TPO: variants seen among roughly 807,000 people sequenced by gnomAD.
The protein encoded by TPO is thyroid peroxidase, also known as thyroid microsomal antigen.
A neutral mutation model predicts 96.9 loss-of-function variants in TPO; 78 were observed. The observed-to-expected ratio is 0.81, with a 90% CI of 0.67 to 0.97. TPO has a LOEUF of 0.97. Among genes scored for constraint, TPO ranks in the 50% least tolerant of loss-of-function variants. The probability of loss-of-function intolerance (pLI) is 0.00; values close to 1 mark genes in which losing one functional copy is unlikely to be tolerated. For synonymous variants in TPO, 547 were observed against 538.0 expected (o/e 1.02, Z -0.23); for missense variants, 1,252 against 1,274.8 (o/e 0.98, Z 0.27).
At chr2:1,530,079 C>A (rs1396874520) in intron 15 of TPO, among the ~76,000 whole-genome samples, 1 of 146,838 alleles carries the variant, frequency 6.8e-6, no homozygotes, top group African/African-American at 2.6e-5. Context: ...TCTGTGCAAC[C>A]TCCTCAAATC....
chr2:1,440,086 ATGTGCTGCGTTTCCAC>A (rs1373590888), intron 5 of TPO, among the ~76,000 whole-genome samples: 3 of 151,422 alleles, frequency 2.0e-5, no homozygotes, highest in African/African-American at 4.9e-5. Context: ...TGCATTTCCA[ATGTGCTGCGTTTCCAC>A]TGTGCTGCGT....
chr2:1,445,681 G>A (rs10180652), intron 5 of TPO, among the ~76,000 whole-genome samples: 118,457 of 126,862 alleles, frequency 0.93, 55,412 homozygotes, highest in South Asian at 0.98. Flanking sequence ...AGGAGGTACC[G>A]TGTTGGAAGG....
At chr2:1,452,919 TCAACA>T (rs1667437568) in intron 5 of TPO, among the ~76,000 whole-genome samples, 2 of 152,180 alleles carry the variant, frequency 1.3e-5, no homozygotes, top group Admixed American at 1.3e-4. Context: ...ATCAAAATAT[TCAACA>T]CACCTTTACC....
intron 15 of TPO, among the ~76,000 whole-genome samples, chr2:1,525,336 A>G (rs1573549733): frequency 1.8e-5 from 1 of 56,914 alleles, no homozygotes; most frequent in Non-Finnish European, 3.4e-5. Flanking sequence ...AAATCCCCTC[A>G]CTATGTGCAA....
rs74412499 is a variant in TPO at position 1,402,013 on chromosome 2, G to A, written n.180+27611G>A. ...CAGGCTGTGTGAGTGGGCAGGTGGA[G>A]GGCACCCAAATGCTGCTTCCTGGCT... On this transcript the variant is annotated intron_variant and non_coding_transcript_variant, in intron 1 of 5. Coordinates refer to the TPO transcript ENST00000497517. Among the ~76,000 whole-genome samples, 1,186 of 152,298 alleles carry A rather than the reference G, an allele frequency of 7.8e-3. 34 individuals are homozygous for A. Among genetic ancestry groups the A allele is most frequent in the East Asian group, 0.073 (378 of 5,174 alleles).
chr2:1,533,204 TATCCCCC>T (rs1678747636), intron 15 of TPO, among the ~76,000 whole-genome samples: 2 of 1,894 alleles, frequency 1.1e-3, no homozygotes, highest in African/African-American at 3.7e-3. Flanking sequence ...AATCTCCCCA[TATCCCCC>T]CATATCCCCC....
chr2:1,478,219 TATTA>T (rs1670171291), intron 8 of TPO: 1 of 985,320 alleles, frequency 1.0e-6, no homozygotes, highest in African/African-American at 1.7e-5. Flanking sequence ...GTTGGCCTTT[TATTA>T]ATTGTGTGAT....
intron 5 of TPO, among the ~76,000 whole-genome samples, chr2:1,448,253 G>A (rs1277666193): frequency 6.6e-6 from 1 of 152,158 alleles, no homozygotes; most frequent in Non-Finnish European, 1.5e-5. Flanking sequence ...CGTGGGAGCC[G>A]AGCCTGTGGT....
At chr2:1,524,061 A>C (rs1222837260) in intron 15 of TPO, among the ~76,000 whole-genome samples, 1 of 68,124 alleles carries the variant, frequency 1.5e-5, no homozygotes, top group East Asian at 4.6e-4. Flanking sequence ...GTGGGCAACA[A>C]CACCAAATCC....
intron 1 of TPO, among the ~76,000 whole-genome samples, chr2:1,374,686 G>A (rs1336598403): frequency 1.3e-5 from 2 of 151,286 alleles, no homozygotes; most frequent in African/African-American, 2.4e-5. Context: ...GAAAACATGA[G>A]CCCTGTAATT....
chr2:1,427,865 A>G (rs1664584881), intron 3 of TPO, among the ~76,000 whole-genome samples: 1 of 152,142 alleles, frequency 6.6e-6, no homozygotes, highest in African/African-American at 2.4e-5. Context: ...GAATATCTGC[A>G]TCTAGATTGG....
At chr2:1,422,905 C>T (rs1048849766) in intron 2 of TPO, 140 bp from the exon 3 acceptor site, 29 of 849,546 alleles carry the variant, frequency 3.4e-5, no homozygotes, top group Admixed American at 2.2e-4. Flanking sequence ...AGGGAAGCGA[C>T]CCCGGGACCT....
chr2:1,462,517 A>AAC lies in TPO; in HGVS notation c.819+6259_819+6260dup, dbSNP rs35553172. ...AAACCCAAATACGTGTGTGTAGGTA[A>AAC]ACACACACACACACACACACACACA... On this transcript the variant is annotated intron_variant, in intron 7 of 16. Transcript: ENST00000329066. Among the ~76,000 whole-genome samples the AAC allele has an allele frequency of 8.1e-3, 1,062 of 131,612 alleles. 4 individuals carry two copies. The highest frequency in any genetic ancestry group is 0.023 in the Middle Eastern group (6 of 258). The allele number at this position is 131,612 out of a possible 152,430, so 86.3% of individuals were successfully genotyped here.
At chr2:1,495,853 G>C (rs1157988720) in intron 11 of TPO, 136 bp from the exon 12 acceptor site, 1 of 960,772 alleles carries the variant, frequency 1.0e-6, no homozygotes, top group Admixed American at 2.1e-5. Flanking sequence ...GCACCTGTGT[G>C]GCCCCGGGTG....
chr2:1,524,933 T>C (rs1305828736), intron 15 of TPO, among the ~76,000 whole-genome samples: 3 of 72,296 alleles, frequency 4.1e-5, no homozygotes, highest in African/African-American at 1.7e-4. Flanking sequence ...GTGTGCAACC[T>C]CCTCAAATCC....
At chr2:1,423,223 A>G (rs1663970069) in intron 3 of TPO, 94 bp downstream of exon 3, 8 of 1,173,994 alleles carry the variant, frequency 6.8e-6, no homozygotes, top group Non-Finnish European at 8.7e-6. Flanking sequence ...TCGCAATTGC[A>G]GATGAAAACC....
chr2:1,485,638 G>T (rs946601358), intron 9 of TPO, among the ~76,000 whole-genome samples: 6 of 151,652 alleles, frequency 4.0e-5, no homozygotes, highest in African/African-American at 7.3e-5. Flanking sequence ...GTTTTGATTT[G>T]CATTTCTCTG....
At chr2:1,392,470 T>G (rs537119030) in intron 1 of TPO, among the ~76,000 whole-genome samples, 20 of 152,334 alleles carry the variant, frequency 1.3e-4, no homozygotes, top group Admixed American at 3.3e-4. Flanking sequence ...ATTCACTTTT[T>G]TTGTTGTGTC....
intron 11 of TPO, among the ~76,000 whole-genome samples, 178 bp downstream of exon 11, chr2:1,494,217 A>G (rs943666850): frequency 6.6e-6 from 1 of 152,224 alleles, no homozygotes; most frequent in African/African-American, 2.4e-5. Flanking sequence ...CAGTGTTTTT[A>G]TAACAATGAA....
Sources: allele counts gnomAD v4.1 joint callset (sites outside exome capture counted in the v4.1 genomes callset), GRCh38; gene constraint gnomAD v4.1.1; transcripts MANE v1.5; gene names NCBI Gene and HGNC (gene_info 2026-07-23, HGNC 2026-07-21).